Variants in GRID1 observed in about 807,000 individuals in gnomAD.
GRID1 encodes glutamate receptor ionotropic, delta-1.
Under a neutral mutation model 98.0 loss-of-function variants are expected in GRID1, and 28 were observed. The ratio of observed to expected loss-of-function variants is 0.29; its 90% CI spans 0.21 to 0.39. GRID1 has a LOEUF of 0.39. Ranked by LOEUF, GRID1 falls within the 10% of genes least tolerant of loss-of-function variation. The probability of loss-of-function intolerance (pLI) is 1.00; values close to 1 mark genes in which losing one functional copy is unlikely to be tolerated. For synonymous variants in GRID1, 553 were observed against 538.5 expected, an observed-to-expected ratio of 1.03 and a Z score of -0.37; for missense variants, 1,111 against 1,340.5, an observed-to-expected ratio of 0.83 and a Z score of 2.67.
At chr10:86,087,149 A>C (rs1394709624) in intron 4 of GRID1, among the ~76,000 whole-genome samples, 1 of 152,136 alleles carries the variant, frequency 6.6e-6, no homozygotes, top group African/African-American at 2.4e-5. Context: ...GGCTATACAC[A>C]CTTATACACA....
rs1183884197 is a variant in GRID1 at position 85,724,564 on chromosome 10, T to C, written c.1646A>G (p.Glu549Gly). The change falls in exon 11 of 16, where the codon GAG becomes GGG. Residue 549 changes from glutamate to glycine, a missense_variant. Glu to Gly is a moderately conservative substitution (Grantham distance 98). Coordinates refer to ENST00000327946, the MANE Select transcript of GRID1 (RefSeq NM_017551.3). ...YSVGILIKKP[E>G]EKISIFSLFA... Reference sequence around the variant, plus strand: ...GAGGGAGAAGATGCTGATTTTCTCCTCGGGCTTCTTAATTAGAATCCCCAC... The same window carrying C: ...GAGGGAGAAGATGCTGATTTTCTCCCCGGGCTTCTTAATTAGAATCCCCAC... 2 of 1,613,642 alleles carry C rather than the reference T, an allele frequency of 1.2e-6. No individual in the cohort carries two copies. The highest frequency in any genetic ancestry group is 3.3e-5 in the Admixed American group (2 of 60,030).
chr10:85,801,274 C>G (rs1232879544), intron 8 of GRID1, among the ~76,000 whole-genome samples: 1 of 151,728 alleles, frequency 6.6e-6, no homozygotes, highest in Non-Finnish European at 1.5e-5. Context: ...AAGTTCTTAA[C>G]ATTTTCATAG....
chr10:85,859,434 T>C (rs568670860), intron 6 of GRID1, among the ~76,000 whole-genome samples: 1 of 151,948 alleles, frequency 6.6e-6, no homozygotes, highest in Non-Finnish European at 1.5e-5. Flanking sequence ...GATGGATGGA[T>C]GCATGGAGTG....
chr10:86,290,673 TAA>T (rs1847499420), intron 2 of GRID1, among the ~76,000 whole-genome samples: 1 of 150,132 alleles, frequency 6.7e-6, no homozygotes, highest in African/African-American at 2.5e-5. Flanking sequence ...TAAAATAAAA[TAA>T]AATAAAATAA....
At chr10:85,697,688 G>A (rs755609838) in intron 12 of GRID1, among the ~76,000 whole-genome samples, 40 of 152,092 alleles carry the variant, frequency 2.6e-4, no homozygotes, top group Middle Eastern at 3.4e-3. Flanking sequence ...CAAGTTTATG[G>A]TGGCCTGAAG....
At position 85,599,803 on chromosome 10, in the gene GRID1, ATATAT is replaced by A. The variant is rs1236573587; in HGVS notation, c.*2465_*2469del. The A allele has an allele frequency of 5.2e-5, 2 of 38,504 alleles. No homozygotes were observed. The highest frequency in any genetic ancestry group is 9.9e-5 in the Non-Finnish European group (2 of 20,182). 2.4% of individuals were successfully genotyped at this position (38,504 alleles called of 1,614,324 possible). ...TAGAAAATTCTAAAAAAAAAAAAAA[ATATAT>A]ATATATATATATAAACATGGTGAAG... On this transcript the variant is annotated 3_prime_UTR_variant, in exon 16 of 16. Transcript: ENST00000327946.
chr10:85,652,660 T>C (rs1840838415), intron 12 of GRID1, among the ~76,000 whole-genome samples: 1 of 152,134 alleles, frequency 6.6e-6, no homozygotes, highest in East Asian at 1.9e-4. Flanking sequence ...ATCAAAGCAA[T>C]CTGGAGTGCC....
rs144890327 is a variant in GRID1, at chr10:86,284,272, T to C, written c.236-77624A>G. Among the ~76,000 whole-genome samples the C allele has an allele frequency of 4.3e-3, 655 of 152,086 alleles. 6 individuals are homozygous for C. The highest frequency in any genetic ancestry group is 0.015 in the African/African-American group (623 of 41,496). ...ACACCTGCACACAACACATCTGCCA[T>C]CACACACACTTGCACACACATTCAC... On this transcript the variant is annotated intron_variant, in intron 2 of 15. Transcript: ENST00000327946.
Position 85,894,994 on chromosome 10 carries a change from G to A in GRID1, c.780+21192C>T, listed in dbSNP as rs1244485033. 3.9e-5 allele frequency among the ~76,000 whole-genome samples: 4 copies of A among 102,072 alleles called. No individual in the cohort carries two copies. In the South Asian group the frequency reaches 1.3e-3, roughly 34 times the overall value. The allele number at this position is 102,072 out of a possible 152,430, so 67.0% of individuals were successfully genotyped here. ...CTGCACCACAGCCTTCAACAAACTG[G>A]GACTCTCAAAAAAAAAAAAAAAATA... On this transcript the variant is annotated intron_variant, in intron 5 of 15. Transcript: ENST00000327946.
At chr10:86,048,229 T>C (rs1296711154) in intron 4 of GRID1, among the ~76,000 whole-genome samples, 1 of 151,856 alleles carries the variant, frequency 6.6e-6, no homozygotes, top group African/African-American at 2.4e-5. Context: ...CGAAGCAGAG[T>C]ACCATATTTT....
chr10:86,079,463 G>A (rs1049013015), intron 4 of GRID1, among the ~76,000 whole-genome samples: 3 of 152,168 alleles, frequency 2.0e-5, no homozygotes, highest in African/African-American at 7.2e-5. Context: ...GCCAAATCAA[G>A]GGGCTTGGGC....
In GRID1 at chr10:86,158,529, AC is replaced by A. The variant is rs562562879; in HGVS notation, c.521-19506del. Among the ~76,000 whole-genome samples, 30 of 152,236 alleles carry A rather than the reference AC, an allele frequency of 2.0e-4. No individual in the cohort carries two copies. In the East Asian group the frequency reaches 4.2e-3, roughly 22 times the overall value. ...CTCTGCTCTGTAGGACTCAGCTCCA[AC>A]CCCACTTGAAAGGGCTCCCAGACCA... On this transcript the variant is annotated intron_variant, in intron 3 of 15. Transcript: ENST00000327946.
At chr10:85,861,331 C>T (rs1843162349) in intron 6 of GRID1, among the ~76,000 whole-genome samples, 1 of 152,214 alleles carries the variant, frequency 6.6e-6, no homozygotes, top group Admixed American at 6.5e-5. Flanking sequence ...CTCACCTGAG[C>T]ACCCGTGTAC....
At position 86,229,219 on chromosome 10, in the gene GRID1, C is replaced by A. The variant is rs373929191; in HGVS notation, c.236-22571G>T. The stretch of plus-strand genomic sequence containing the variant: ...GTGCTTCAGCCTAAGCCAGGCCACC[C>A]CACTCTCTAGCAAGTGCCTGGGGCC... On this transcript the variant is annotated intron_variant, in intron 2 of 15. Coordinates refer to ENST00000327946, the MANE Select transcript of GRID1 (RefSeq NM_017551.3). Among the ~76,000 whole-genome samples the A allele has an allele frequency of 3.8e-4, 58 of 152,264 alleles. No individual in the cohort carries two copies. The South Asian group carries it at 0.012, about 32-fold the overall frequency.
intron 9 of GRID1, 42 bp from the exon 10 acceptor site, chr10:85,728,094 T>A (rs779275366): frequency 2.4e-6 from 3 of 1,267,810 alleles, no homozygotes; most frequent in East Asian, 2.3e-5. Flanking sequence ...AAATAACAGG[T>A]TCATCAACAC....
chr10:86,094,026 C>T (rs1194170885), intron 4 of GRID1, among the ~76,000 whole-genome samples: 1 of 152,104 alleles, frequency 6.6e-6, no homozygotes, highest in Non-Finnish European at 1.5e-5. Flanking sequence ...AAATGGGATG[C>T]AGGGATGGTT....
At chr10:85,784,107 C>G (rs957082517) in intron 8 of GRID1, among the ~76,000 whole-genome samples, 2 of 152,220 alleles carry the variant, frequency 1.3e-5, no homozygotes, top group African/African-American at 2.4e-5. Context: ...AGCTGGGGAA[C>G]ATCTTGCAAA....
intron 8 of GRID1, among the ~76,000 whole-genome samples, chr10:85,824,134 T>G (rs901720901): frequency 6.6e-6 from 1 of 152,178 alleles, no homozygotes; most frequent in Non-Finnish European, 1.5e-5. Context: ...TGAAAGTATA[T>G]TACAACAATA....
At chr10:86,237,161 T>A (rs1589421793) in intron 2 of GRID1, among the ~76,000 whole-genome samples, 2 of 152,176 alleles carry the variant, frequency 1.3e-5, no homozygotes, top group East Asian at 3.9e-4. Context: ...ACCTCCTATG[T>A]TAAGGGCTGA....
Sources: allele counts gnomAD v4.1 joint callset (sites outside exome capture counted in the v4.1 genomes callset), GRCh38; gene constraint gnomAD v4.1.1; transcripts MANE v1.5; gene names NCBI Gene and HGNC (gene_info 2026-07-23, HGNC 2026-07-21).